Variants in DCAF8L2 observed in about 807,000 individuals in gnomAD.
DCAF8L2 encodes the protein DDB1- and CUL4-associated factor 8-like protein 2.
For synonymous variants in DCAF8L2, 200 were observed against 190.9 expected (o/e 1.05, Z -0.39); for missense variants, 430 against 490.7 (o/e 0.88, Z 1.17).
In DCAF8L2 at chrX:27,696,407, C is replaced by T. The variant is rs1393465474; in HGVS notation, c.-143+18495C>T. Among the ~76,000 whole-genome samples the T allele has an allele frequency of 2.7e-5, 3 of 110,922 alleles. No homozygotes were observed. The East Asian group carries it at 8.5e-4, about 32-fold the overall frequency. On this transcript the variant is annotated intron_variant, in intron 3 of 4. Transcript: ENST00000451261. ...CTAGAAAGAATACAGCCAAGCCTGA[C>T]TCTAACTGTGGTTTCTTGAACAATA...
chrX:27,680,875 T>C (rs999516902), intron 3 of DCAF8L2, among the ~76,000 whole-genome samples: 1 of 112,297 alleles, frequency 8.9e-6, no homozygotes, highest in Non-Finnish European at 1.9e-5. Flanking sequence ...TAGTCAGTTT[T>C]AGGTGATTGG....
intron 2 of DCAF8L2, among the ~76,000 whole-genome samples, chrX:27,639,814 T>C: frequency 8.9e-6 from 1 of 112,191 alleles, no homozygotes; most frequent in African/African-American, 3.2e-5. Flanking sequence ...TCATAGAACT[T>C]TTCTCATTTT....
intron 2 of DCAF8L2, among the ~76,000 whole-genome samples, chrX:27,646,676 A>T (rs939564138): frequency 2.7e-5 from 3 of 111,561 alleles, no homozygotes; most frequent in Non-Finnish European, 5.6e-5. Context: ...AATGTTTAAT[A>T]TCCAGGATCT....
At chrX:27,578,176 G>A in the DCAF8L2 span, among the ~76,000 whole-genome samples, 1 of 111,579 alleles carries the variant, frequency 9.0e-6, no homozygotes, top group African/African-American at 3.3e-5. Flanking sequence ...GGTTACTACA[G>A]TAACCAAAAC....
At chrX:27,564,880 G>T in the DCAF8L2 span, among the ~76,000 whole-genome samples, 3 of 109,291 alleles carry the variant, frequency 2.7e-5, no homozygotes, top group African/African-American at 1.0e-4. Flanking sequence ...AAACGGGGGT[G>T]TCCCTATGTG....
intron 1 of DCAF8L2, among the ~76,000 whole-genome samples, chrX:27,630,142 G>A (rs1928224985): frequency 9.0e-6 from 1 of 111,257 alleles, no homozygotes; most frequent in African/African-American, 3.3e-5. Context: ...ATTTTTCTCT[G>A]TTGATTTTGT....
the DCAF8L2 span, among the ~76,000 whole-genome samples, chrX:27,510,794 T>C: frequency 9.0e-6 from 1 of 111,136 alleles, no homozygotes; most frequent in African/African-American, 3.3e-5. Flanking sequence ...ATTGGCTTGC[T>C]GACAATTCAC....
At chrX:27,478,639 CCT>C in the DCAF8L2 span, among the ~76,000 whole-genome samples, 4 of 111,608 alleles carry the variant, frequency 3.6e-5, no homozygotes. Flanking sequence ...AACATAATCC[CCT>C]CTTTTTAAAT....
At chrX:27,591,110 G>A (rs1230417882) in intron 1 of DCAF8L2, among the ~76,000 whole-genome samples, 1 of 105,834 alleles carries the variant, frequency 9.4e-6, no homozygotes, top group Non-Finnish European at 1.9e-5. Flanking sequence ...TAAATGCTGG[G>A]GGTTTTTCTT....
chrX:27,675,811 T>A (rs1008214887), intron 2 of DCAF8L2, among the ~76,000 whole-genome samples: 1 of 111,732 alleles, frequency 8.9e-6, no homozygotes, highest in Non-Finnish European at 1.9e-5. Flanking sequence ...GCAATTTGAC[T>A]GTCTTCCTGA....
the DCAF8L2 span, among the ~76,000 whole-genome samples, chrX:27,494,429 T>TA: frequency 7.2e-5 from 8 of 110,817 alleles, no homozygotes; most frequent in African/African-American, 2.6e-4. Flanking sequence ...TAAATAAAAA[T>TA]TAAAAAAAAA....
intron 1 of DCAF8L2, among the ~76,000 whole-genome samples, chrX:27,594,809 G>A (rs762523256): frequency 2.7e-5 from 3 of 111,223 alleles, no homozygotes; most frequent in African/African-American, 9.8e-5. Context: ...TAAATATTTA[G>A]GTCAATTTCA....
At chrX:27,498,132 T>C in the DCAF8L2 span, among the ~76,000 whole-genome samples, 9 of 112,664 alleles carry the variant, frequency 8.0e-5, no homozygotes, top group African/African-American at 2.9e-4. Context: ...AGTACTGCTA[T>C]AAATATAAGT....
At chrX:27,663,648 C>A (rs772948392) in intron 2 of DCAF8L2, among the ~76,000 whole-genome samples, 1 of 109,865 alleles carries the variant, frequency 9.1e-6, no homozygotes, top group Admixed American at 9.8e-5. Context: ...TCTCCTTGGG[C>A]CTTCCTACTC....
At chrX:27,579,923 A>G in the DCAF8L2 span, among the ~76,000 whole-genome samples, 1 of 108,768 alleles carries the variant, frequency 9.2e-6, no homozygotes, top group Non-Finnish European at 1.9e-5. Context: ...ATTAAATAAT[A>G]TAGTTAATAT....
intron 1 of DCAF8L2, among the ~76,000 whole-genome samples, chrX:27,609,418 C>T (rs189000714): frequency 2.7e-5 from 3 of 111,593 alleles, no homozygotes; most frequent in East Asian, 5.7e-4. Flanking sequence ...CCTCCAGGTC[C>T]CTGATGATAA....
At chrX:27,563,963 C>T in the DCAF8L2 span, among the ~76,000 whole-genome samples, 1 of 112,175 alleles carries the variant, frequency 8.9e-6, no homozygotes, top group African/African-American at 3.2e-5. Flanking sequence ...GTCTCTTACT[C>T]TTAAGTAATT....
chrX:27,620,741 A>G (rs1369531034), intron 1 of DCAF8L2, among the ~76,000 whole-genome samples: 1 of 111,851 alleles, frequency 8.9e-6, no homozygotes, highest in Non-Finnish European at 1.9e-5. Context: ...AAAATGGTAT[A>G]ATTGCTGTGG....
At chrX:27,669,280 G>A (rs1929856143) in intron 2 of DCAF8L2, among the ~76,000 whole-genome samples, 2 of 110,294 alleles carry the variant, frequency 1.8e-5, no homozygotes, top group African/African-American at 6.6e-5. Flanking sequence ...CTGTTGAAAA[G>A]TATCCCTGGT....
Sources: allele counts gnomAD v4.1 joint callset (sites outside exome capture counted in the v4.1 genomes callset), GRCh38; gene constraint gnomAD v4.1.1; transcripts MANE v1.5; gene names NCBI Gene and HGNC (gene_info 2026-07-23, HGNC 2026-07-21).